Variants in MAPK9 observed in about 807,000 individuals in gnomAD.
MAPK9 encodes mitogen-activated protein kinase 9.
MAPK9 carries 30 observed loss-of-function variants against 57.1 expected under a neutral mutation model. The ratio of observed to expected loss-of-function variants is 0.53; its 90% CI spans 0.39 to 0.71. The LOEUF is 0.71. Among genes scored for constraint, MAPK9 ranks in the 30% least tolerant of loss-of-function variants. The probability of loss-of-function intolerance (pLI) is 0.00; values close to 1 mark genes in which losing one functional copy is unlikely to be tolerated. For synonymous variants in MAPK9, 155 were observed against 177.0 expected, an observed-to-expected ratio of 0.88 and a Z score of 0.99; for missense variants, 362 against 521.0, an observed-to-expected ratio of 0.69 and a Z score of 2.97.
intron 10 of MAPK9, 25 bp from the exon 11 acceptor site, chr5:180,238,428 T>C (rs756137226): frequency 6.6e-7 from 1 of 1,507,336 alleles, no homozygotes. Flanking sequence ...CAAGTTAAAA[T>C]GCTTAATCAG....
intron 10 of MAPK9, among the ~76,000 whole-genome samples, chr5:180,238,667 G>T: frequency 7.4e-6 from 1 of 135,440 alleles, no homozygotes; most frequent in Middle Eastern, 4.5e-3. Flanking sequence ...GGAGTACAGT[G>T]GCATGGTCTT....
chr5:180,241,194 T>G, intron 8 of MAPK9, 39 bp from the exon 9 acceptor site: 1 of 1,579,774 alleles, frequency 6.3e-7, no homozygotes. Context: ...GCTGTTAATA[T>G]GAAACAAACA....
In MAPK9 at chr5:180,242,459, A is replaced by G. The variant is rs1038507038; in HGVS notation, c.871+114T>C. The G allele has an allele frequency of 2.5e-4, 230 of 929,878 alleles. 2 individuals carry two copies. Among genetic ancestry groups the G allele is most frequent in the Non-Finnish European group, 3.5e-5 (22 of 622,996 alleles). 57.6% of individuals were successfully genotyped at this position (929,878 alleles called of 1,614,324 possible). A position where few individuals can be genotyped will look rare whatever the true frequency, so the allele number is the denominator to read the frequency against. On this transcript the variant is annotated intron_variant, in intron 8 of 11. Transcript: ENST00000452135. ...TCAGTGCCTTCGTACCTCAGACTTC[A>G]GGCCTAAAATGACTTTCTCTCCCAA...
At chr5:180,256,326 G>A (rs1413699853) in intron 5 of MAPK9, among the ~76,000 whole-genome samples, 2 of 140,804 alleles carry the variant, frequency 1.4e-5, no homozygotes, top group Non-Finnish European at 3.0e-5. Context: ...ACTGTAGATG[G>A]AACAAAGGAT....
chr5:180,286,755 C>T (rs1762808535), intron 1 of MAPK9, among the ~76,000 whole-genome samples: 1 of 152,232 alleles, frequency 6.6e-6, no homozygotes, highest in Non-Finnish European at 1.5e-5. Context: ...AAGCATTCTC[C>T]CAGCCACCAT....
In MAPK9 at chr5:180,236,213, C is replaced by CA. The variant is rs1352848009; in HGVS notation, c.*170dup. ...TTTTTTCTTCAGACATATTCTGCCTCATTTTATCATCTAAGCAGGCAATCC... is the reference window on the plus strand; with the variant it reads ...TTTTTTCTTCAGACATATTCTGCCTCAATTTTATCATCTAAGCAGGCAATCC... On this transcript the variant is annotated 3_prime_UTR_variant, in exon 12 of 12. Transcript: ENST00000452135. 6.4e-6 allele frequency: 4 copies of CA among 620,408 alleles called. No individual in the cohort carries two copies. The highest frequency in any genetic ancestry group is 9.7e-6 in the Non-Finnish European group (4 of 414,406). 38.4% of individuals were successfully genotyped at this position (620,408 alleles called of 1,614,324 possible).
intron 1 of MAPK9, among the ~76,000 whole-genome samples, chr5:180,291,629 C>G (rs1339149959): frequency 6.6e-6 from 1 of 151,932 alleles, no homozygotes; most frequent in African/African-American, 2.4e-5. Flanking sequence ...GTCGGCCGGG[C>G]CAGGCCGGTG....
chr5:180,258,803 G>C (rs1258841124), intron 5 of MAPK9, among the ~76,000 whole-genome samples: 5 of 145,400 alleles, frequency 3.4e-5, no homozygotes, highest in Admixed American at 1.4e-4. Flanking sequence ...GAGGCAGGCA[G>C]ATCATGAGGT....
chr5:180,285,874 G>A (rs551630915), intron 1 of MAPK9, among the ~76,000 whole-genome samples: 3 of 151,488 alleles, frequency 2.0e-5, no homozygotes, highest in South Asian at 2.1e-4. Context: ...GTCAGGAGAC[G>A]GAGACCATCC....
At position 180,247,165 on chromosome 5, in the gene MAPK9, T is replaced by C; in HGVS notation, c.688+274A>G. 3.9e-6 allele frequency: 2 copies of C among 508,662 alleles called. No homozygotes were observed. Among genetic ancestry groups the C allele is most frequent in the Non-Finnish European group, 6.9e-6 (2 of 289,664 alleles). The allele number at this position is 508,662 out of a possible 1,614,324, so 31.5% of individuals were successfully genotyped here. ...AAGAGTAAATAATTTCTTCTATGTG[T>C]CCAGCTATTTTTGGCAAAATTAAGA... is the stretch of plus-strand genomic sequence containing the variant. On this transcript the variant is annotated intron_variant, in intron 7 of 11. Transcript: ENST00000452135. The surrounding 1 kb of genome is among the most constrained non-coding windows in gnomAD (Gnocchi z 4.5).
At chr5:180,246,114 T>C (rs1758071431) in intron 7 of MAPK9, 1 of 152,236 alleles carries the variant, frequency 6.6e-6, no homozygotes, top group Admixed American at 6.5e-5. Context: ...GAAAACATTT[T>C]GTAATAAAAC....
In MAPK9 at chr5:180,286,168, C is replaced by T. The variant is rs1299491477; in HGVS notation, c.-47-5560G>A. On this transcript the variant is annotated intron_variant, in intron 1 of 11. Transcript: ENST00000452135. ...CTTTTCTTTTTTTTTTTTTTTGAGA[C>T]GGAGTCTCGCTCTGTCGCCCAGGCT... Among the ~76,000 whole-genome samples the T allele has an allele frequency of 3.0e-4, 33 of 111,464 alleles. 2 individuals carry two copies. In the East Asian group the frequency reaches 7.3e-3, roughly 25 times the overall value. The allele number at this position is 111,464 out of a possible 152,430, so 73.1% of individuals were successfully genotyped here. A position where few individuals can be genotyped will look rare whatever the true frequency, so the allele number is the denominator to read the frequency against.
In MAPK9 at chr5:180,249,091, C is replaced by T. The variant is rs189575064; in HGVS notation, c.498G>A (p.Lys166=). The T allele has an allele frequency of 1.7e-5, 27 of 1,613,998 alleles. No individual in the cohort carries two copies. Among genetic ancestry groups the T allele is most frequent in the Middle Eastern group, 1.7e-4 (1 of 6,058 alleles). ...NIVVKSDCTL[K]ILDFGLARTA... ...TCCGGGCCAGGCCAAAGTCAAGGAT[C>T]TTCAGGGTGCAGTCTGATTTCACAA... The change falls in exon 6 of 12, where the codon AAG becomes AAA. Residue 166 remains lysine (K), a synonymous_variant. Transcript: ENST00000452135.
chr5:180,253,061 T>C (rs1350182954), intron 5 of MAPK9, among the ~76,000 whole-genome samples: 1 of 152,120 alleles, frequency 6.6e-6, no homozygotes, highest in African/African-American at 2.4e-5. Flanking sequence ...GATGGCCCAG[T>C]GTGGTGTCTG....
At chr5:180,246,837 T>C (rs1038814665) in intron 7 of MAPK9, 12 of 152,378 alleles carry the variant, frequency 7.9e-5, no homozygotes, top group African/African-American at 2.9e-4. Flanking sequence ...AATAACCCAC[T>C]AGACAGATTT....
intron 1 of MAPK9, among the ~76,000 whole-genome samples, chr5:180,290,751 A>C (rs1763157324): frequency 6.6e-6 from 1 of 152,236 alleles, no homozygotes; most frequent in Admixed American, 6.5e-5. Flanking sequence ...TGAACAGATA[A>C]AGCAGAGACA....
At chr5:180,250,564 A>AG (rs1161323626) in intron 5 of MAPK9, among the ~76,000 whole-genome samples, 2 of 152,206 alleles carry the variant, frequency 1.3e-5, no homozygotes, top group South Asian at 4.2e-4. Flanking sequence ...ATGGGCCACA[A>AG]GGGGGGTTGC....
intron 5 of MAPK9, among the ~76,000 whole-genome samples, chr5:180,259,191 G>A (rs1009164914): frequency 4.8e-4 from 73 of 151,310 alleles, no homozygotes; most frequent in Admixed American, 1.5e-3. Context: ...AACTCACACT[G>A]GAGAGGCACC....
chr5:180,263,799 G>C lies in MAPK9; in HGVS notation c.311+982C>G, dbSNP rs532003968. 4.7e-4 allele frequency among the ~76,000 whole-genome samples: 68 copies of C among 145,312 alleles called. 2 individuals carry two copies. In the South Asian group the frequency reaches 0.015, roughly 31 times the overall value. ...TGGCTCACTGCAAGCTCCACCTCCCGGGTTCACACCATTCTCCTGCCTCAG... is the reference window on the plus strand; with the variant it reads ...TGGCTCACTGCAAGCTCCACCTCCCCGGTTCACACCATTCTCCTGCCTCAG... On this transcript the variant is annotated intron_variant, in intron 4 of 11. Transcript: ENST00000452135.
Sources: gnomAD v4.1 joint callset for allele counts (sites outside exome capture counted in the v4.1 genomes callset) on GRCh38, gnomAD v4.1.1 for gene constraint, Gnocchi (gnomAD v3.1) non-coding constraint, MANE v1.5 for transcripts, NCBI Gene and HGNC (gene_info 2026-07-23, HGNC 2026-07-21) for gene names.